ARGLU1: variants seen among roughly 807,000 people sequenced by gnomAD.
ARGLU1 encodes arginine and glutamate-rich protein 1.
Under a neutral mutation model 37.6 loss-of-function variants are expected in ARGLU1, and 9 were observed. The observed-to-expected ratio is 0.24, with a 90% CI of 0.14 to 0.42. ARGLU1 has a LOEUF of 0.42. ARGLU1 is among the 10% of genes least tolerant of loss of function. The pLI is 1.00. For missense variants in ARGLU1, 211 were observed against 359.2 expected (o/e 0.59, Z 3.34); for synonymous variants, 166 against 138.5 (o/e 1.20, Z -1.39).
chr13:106,552,986 C>T (rs1472185810), intron 3 of ARGLU1, among the ~76,000 whole-genome samples: 3 of 152,128 alleles, frequency 2.0e-5, no homozygotes, highest in African/African-American at 7.2e-5. Flanking sequence ...GCTCGTGTGG[C>T]TAGGCTAACA....
At chr13:106,565,583 C>A (rs926634222) in intron 1 of ARGLU1, among the ~76,000 whole-genome samples, 1 of 152,312 alleles carries the variant, frequency 6.6e-6, no homozygotes, top group Admixed American at 6.5e-5. Context: ...CAATAAACAT[C>A]AGTTAAATGA....
At position 106,564,666 on chromosome 13, in the gene ARGLU1, C is replaced by G. The variant is rs531298661; in HGVS notation, c.347+2907G>C. ...TCCCTTGAATGAACCGCTCTCCTCTCTCCACACTCTCCCTGGGTCATTCCA... is the reference window on the plus strand; with the variant it reads ...TCCCTTGAATGAACCGCTCTCCTCTGTCCACACTCTCCCTGGGTCATTCCA... On this transcript the variant is annotated intron_variant, in intron 1 of 3. Transcript: ENST00000400198. Among the ~76,000 whole-genome samples, 3 of 152,278 alleles carry G rather than the reference C, an allele frequency of 2.0e-5. No individual in the cohort carries two copies. In the South Asian group the frequency reaches 6.2e-4, roughly 32 times the overall value.
chr13:106,550,769 T>C (rs1880512657), intron 3 of ARGLU1, among the ~76,000 whole-genome samples: 1 of 152,188 alleles, frequency 6.6e-6, no homozygotes, highest in Non-Finnish European at 1.5e-5. Flanking sequence ...CAGCTTCTGG[T>C]GGCTGCCAAG....
At position 106,562,393 on chromosome 13, in the gene ARGLU1, A is replaced by G. The variant is rs570639899; in HGVS notation, c.348-2736T>C. Reference sequence around the variant, plus strand: ...TACTGATGGCAAATTTATCATCATAATCAATGATAAAACCACTATTATGCC... The same window carrying G: ...TACTGATGGCAAATTTATCATCATAGTCAATGATAAAACCACTATTATGCC... On this transcript the variant is annotated intron_variant, in intron 1 of 3. Transcript: ENST00000400198. Among the ~76,000 whole-genome samples, 4 of 152,284 alleles carry G rather than the reference A, an allele frequency of 2.6e-5. No homozygotes were observed. The South Asian group carries it at 8.3e-4, about 32-fold the overall frequency.
rs767147501 is a variant in ARGLU1 at position 106,541,717 on chromosome 13, C to T, written c.*2279G>A. On this transcript the variant is annotated 3_prime_UTR_variant, in exon 4 of 4. Coordinates refer to ENST00000400198, the MANE Select transcript of ARGLU1 (RefSeq NM_018011.4). ...ATACAATTGATAATTCTGCAAACCACAATATGTCAATAACTACATACTGTA... is the reference window on the plus strand; with the variant it reads ...ATACAATTGATAATTCTGCAAACCATAATATGTCAATAACTACATACTGTA... 3 of 151,970 alleles carry T rather than the reference C, an allele frequency of 2.0e-5. No individual in the cohort carries two copies. The highest frequency in any genetic ancestry group is 4.8e-5 in the African/African-American group (2 of 41,372). 9.4% of individuals were successfully genotyped at this position (151,970 alleles called of 1,614,324 possible). A position where few individuals can be genotyped will look rare whatever the true frequency, so the allele number is the denominator to read the frequency against.
At chr13:106,566,014 G>C (rs1195901925) in intron 1 of ARGLU1, among the ~76,000 whole-genome samples, 1 of 152,156 alleles carries the variant, frequency 6.6e-6, no homozygotes, top group Admixed American at 6.5e-5. Context: ...TTCACATGTA[G>C]AAATTATCTC....
intron 3 of ARGLU1, among the ~76,000 whole-genome samples, chr13:106,547,038 A>C (rs1880408603): frequency 6.6e-6 from 1 of 152,098 alleles, no homozygotes; most frequent in African/African-American, 2.4e-5. Context: ...TGGGTTGGTT[A>C]CCATGGGAAT....
At position 106,557,745 on chromosome 13, in the gene ARGLU1, T is replaced by C; in HGVS notation, c.574-614A>G. 1 of 1,346,442 alleles carries C rather than the reference T, an allele frequency of 7.4e-7. No homozygotes were observed. Among genetic ancestry groups the C allele is most frequent in the Non-Finnish European group, 9.6e-7 (1 of 1,040,578 alleles). The allele number at this position is 1,346,442 out of a possible 1,614,324, so 83.4% of individuals were successfully genotyped here. A position where few individuals can be genotyped will look rare whatever the true frequency, so the allele number is the denominator to read the frequency against. Reference sequence around the variant, plus strand: ...GTTTATGGTAAGAAGGAACAAAAAATGTAATTCATCATTCCTAAGGCAAAC... The same window carrying C: ...GTTTATGGTAAGAAGGAACAAAAAACGTAATTCATCATTCCTAAGGCAAAC... On this transcript the variant is annotated intron_variant, in intron 2 of 3. Transcript: ENST00000400198. The surrounding 1 kb of genome is among the most constrained non-coding windows in gnomAD (Gnocchi z 5.0).
chr13:106,554,710 C>A (rs1357396802), intron 3 of ARGLU1, among the ~76,000 whole-genome samples: 1 of 151,744 alleles, frequency 6.6e-6, no homozygotes, highest in African/African-American at 2.4e-5. Context: ...CATACTGAAA[C>A]CCCGTCTCTA....
chr13:106,552,209 C>G (rs900856612), intron 3 of ARGLU1, among the ~76,000 whole-genome samples: 5 of 152,192 alleles, frequency 3.3e-5, no homozygotes, highest in Non-Finnish European at 5.9e-5. Flanking sequence ...AGATAACAAA[C>G]TGGTGAGATA....
At chr13:106,544,980 T>TCCC (rs1211249690) in intron 3 of ARGLU1, among the ~76,000 whole-genome samples, 1 of 152,176 alleles carries the variant, frequency 6.6e-6, no homozygotes, top group Non-Finnish European at 1.5e-5. Context: ...TCCACAGATT[T>TCCC]CCCCCTCTTT....
intron 3 of ARGLU1, 71 bp from the exon 4 acceptor site, chr13:106,544,231 GTTATCTA>G: frequency 7.4e-7 from 1 of 1,360,046 alleles, no homozygotes; most frequent in Admixed American, 2.8e-5. Context: ...TGCAACAGGT[GTTATCTA>G]TTATGTATCT....
intron 1 of ARGLU1, among the ~76,000 whole-genome samples, chr13:106,565,453 C>T (rs1880935984): frequency 6.6e-6 from 1 of 152,210 alleles, no homozygotes. Flanking sequence ...ACTAAATTTA[C>T]TACACTGTAT....
rs1003492718 is a variant in ARGLU1, at chr13:106,548,896, G to T, written c.658-4736C>A. On this transcript the variant is annotated intron_variant, in intron 3 of 3. Transcript: ENST00000400198. The stretch of plus-strand genomic sequence containing the variant: ...CCCGAGTAGCTGGGACTACAGGTGC[G>T]TGCCACAACGCCCGGCTCCTTTTTT... Among the ~76,000 whole-genome samples, 3 of 152,040 alleles carry T rather than the reference G, an allele frequency of 2.0e-5. No homozygotes were observed. In the East Asian group the frequency reaches 5.8e-4, roughly 29 times the overall value.
At chr13:106,565,560 CT>C (rs1292060732) in intron 1 of ARGLU1, among the ~76,000 whole-genome samples, 6 of 152,170 alleles carry the variant, frequency 3.9e-5, no homozygotes, top group African/African-American at 1.4e-4. Context: ...GTGCCTGGCA[CT>C]TATTAAATGC....
intron 3 of ARGLU1, among the ~76,000 whole-genome samples, chr13:106,554,842 G>A (rs973190972): frequency 3.3e-5 from 5 of 150,218 alleles, no homozygotes; most frequent in East Asian, 3.9e-4. Context: ...CCGAGACTCC[G>A]CCACTGCACT....
At chr13:106,565,172 A>C (rs1413948576) in intron 1 of ARGLU1, among the ~76,000 whole-genome samples, 1 of 152,220 alleles carries the variant, frequency 6.6e-6, no homozygotes, top group Non-Finnish European at 1.5e-5. Context: ...CAAGCTCTTT[A>C]ATATGACATA....
At chr13:106,554,911 C>T (rs541556615) in intron 3 of ARGLU1, among the ~76,000 whole-genome samples, 1 of 151,670 alleles carries the variant, frequency 6.6e-6, no homozygotes, top group Non-Finnish European at 1.5e-5. Flanking sequence ...AAAATTTCTC[C>T]AGTATCAATT....
intron 1 of ARGLU1, among the ~76,000 whole-genome samples, chr13:106,566,399 CAT>C (rs1439388118): frequency 3.3e-5 from 5 of 152,202 alleles, no homozygotes; most frequent in Non-Finnish European, 5.9e-5. Context: ...ATTCAGCACA[CAT>C]ATACTCGCCT....
Sources: gnomAD v4.1 joint callset for allele counts (sites outside exome capture counted in the v4.1 genomes callset) on GRCh38, gnomAD v4.1.1 for gene constraint, Gnocchi (gnomAD v3.1) non-coding constraint, MANE v1.5 for transcripts, NCBI Gene and HGNC (gene_info 2026-07-23, HGNC 2026-07-21) for gene names.